NELL2: variants seen among roughly 807,000 people sequenced by gnomAD.
The protein encoded by NELL2 is protein kinase C-binding protein NELL2.
NELL2 carries 41 observed loss-of-function variants against 109.6 expected under a neutral mutation model. That is an observed-to-expected ratio of 0.37 (90% CI 0.29 to 0.49). The LOEUF (loss-of-function observed/expected upper bound fraction) is 0.49. Ranked by LOEUF, NELL2 falls within the 20% of genes least tolerant of loss-of-function variation. The pLI is 0.98. For synonymous variants in NELL2, 355 were observed against 344.7 expected (o/e 1.03, Z -0.33); for missense variants, 900 against 1,008.3 (o/e 0.89, Z 1.45).
intron 9 of NELL2, among the ~76,000 whole-genome samples, chr12:44,746,881 G>A (rs1940393500): frequency 1.3e-5 from 2 of 152,216 alleles, no homozygotes; most frequent in African/African-American, 4.8e-5. Flanking sequence ...CATTGTGGAA[G>A]TCAGTGTGGC....
At chr12:44,846,014 C>A (rs1380833796) in intron 2 of NELL2, among the ~76,000 whole-genome samples, 1 of 152,162 alleles carries the variant, frequency 6.6e-6, no homozygotes, top group Non-Finnish European at 1.5e-5. Context: ...TCATTCTGGA[C>A]TTATGAAAAT....
At chr12:44,732,593 A>G (rs1446375668) in intron 9 of NELL2, among the ~76,000 whole-genome samples, 1 of 152,040 alleles carries the variant, frequency 6.6e-6, no homozygotes, top group African/African-American at 2.4e-5. Flanking sequence ...CCTGAAGCTA[A>G]GAAACTCCTA....
At chr12:44,573,966 C>T (rs1360457470) in intron 15 of NELL2, among the ~76,000 whole-genome samples, 1 of 152,160 alleles carries the variant, frequency 6.6e-6, no homozygotes, top group Non-Finnish European at 1.5e-5. Context: ...TTAGGTGTTA[C>T]CCACTAAGAG....
intron 15 of NELL2, among the ~76,000 whole-genome samples, chr12:44,549,292 G>A (rs1017251553): frequency 1.8e-4 from 28 of 152,134 alleles, no homozygotes; most frequent in African/African-American, 6.5e-4. Context: ...TGGAATATGA[G>A]TGGTCAGGGT....
intron 2 of NELL2, among the ~76,000 whole-genome samples, chr12:44,831,270 C>T (rs1042611213): frequency 6.6e-6 from 1 of 152,126 alleles, no homozygotes; most frequent in African/African-American, 2.4e-5. Context: ...ACATCTGACC[C>T]CACCATGCTT....
intron 15 of NELL2, 65 bp from the exon 16 acceptor site, chr12:44,532,786 C>A: frequency 1.4e-6 from 2 of 1,452,862 alleles, no homozygotes; most frequent in South Asian, 2.8e-5. Context: ...GAATATTCTG[C>A]TACAAGGCTA....
chr12:44,741,633 A>G (rs1237481918), intron 9 of NELL2, among the ~76,000 whole-genome samples: 2 of 152,218 alleles, frequency 1.3e-5, no homozygotes, highest in South Asian at 4.1e-4. Flanking sequence ...ACAGGCTTAA[A>G]AAATGGCACA....
intron 9 of NELL2, among the ~76,000 whole-genome samples, chr12:44,739,331 T>G (rs941381461): frequency 6.6e-6 from 1 of 152,118 alleles, no homozygotes; most frequent in African/African-American, 2.4e-5. Flanking sequence ...TATCTATACA[T>G]CTAAATGGTA....
At chr12:44,830,708 G>A (rs1943859818) in intron 2 of NELL2, among the ~76,000 whole-genome samples, 3 of 152,034 alleles carry the variant, frequency 2.0e-5, no homozygotes, top group Admixed American at 2.0e-4. Flanking sequence ...CAAAAAAAGA[G>A]CTCTGGGAAT....
At chr12:44,684,253 T>C (rs537565051) in intron 12 of NELL2, among the ~76,000 whole-genome samples, 10 of 152,362 alleles carry the variant, frequency 6.6e-5, no homozygotes, top group East Asian at 3.9e-4. Flanking sequence ...TTCTGTGGGA[T>C]TGGTGGTGAT....
At chr12:44,830,624 G>T (rs1774094448) in intron 2 of NELL2, among the ~76,000 whole-genome samples, 2 of 152,040 alleles carry the variant, frequency 1.3e-5, no homozygotes, top group African/African-American at 4.8e-5. Flanking sequence ...CCCCAAATCT[G>T]CCATCTCCCG....
At chr12:44,675,973 C>T (rs1948302846) in intron 12 of NELL2, among the ~76,000 whole-genome samples, 1 of 152,066 alleles carries the variant, frequency 6.6e-6, no homozygotes. Flanking sequence ...TAGGATGTCA[C>T]TGGTGCTGTT....
intron 13 of NELL2, among the ~76,000 whole-genome samples, chr12:44,651,294 G>C (rs375140401): frequency 2.6e-5 from 4 of 152,278 alleles, no homozygotes; most frequent in South Asian, 2.1e-4. Flanking sequence ...AACATAAGTA[G>C]ACTAAAAATC....
chr12:44,832,575 C>T (rs901720544), intron 2 of NELL2, among the ~76,000 whole-genome samples: 4 of 152,170 alleles, frequency 2.6e-5, no homozygotes, highest in African/African-American at 7.2e-5. Context: ...CCTACTTCCA[C>T]GCCTTTTCAT....
intron 3 of NELL2, among the ~76,000 whole-genome samples, chr12:44,801,444 C>T (rs1196472926): frequency 6.6e-6 from 1 of 152,010 alleles, no homozygotes; most frequent in African/African-American, 2.4e-5. Context: ...AGTTTTTGAG[C>T]TCTGAAGGAA....
At chr12:44,604,100 A>G (rs562714463) in intron 15 of NELL2, among the ~76,000 whole-genome samples, 1 of 152,284 alleles carries the variant, frequency 6.6e-6, no homozygotes, top group South Asian at 2.1e-4. Context: ...AAGGGGGCAT[A>G]ACAAAAGGCA....
At chr12:44,661,006 T>C (rs1034435327) in intron 13 of NELL2, among the ~76,000 whole-genome samples, 10 of 152,152 alleles carry the variant, frequency 6.6e-5, no homozygotes, top group African/African-American at 1.7e-4. Context: ...ACGTGTCCAC[T>C]AAAGCGTTAA....
At chr12:44,901,261 A>G (rs1945657188) in intron 1 of NELL2, among the ~76,000 whole-genome samples, 1 of 152,188 alleles carries the variant, frequency 6.6e-6, no homozygotes, top group South Asian at 2.1e-4. Flanking sequence ...ATCAGAGAAT[A>G]CTATAAATAC....
At chr12:44,550,776 G>A (rs964622211) in intron 15 of NELL2, among the ~76,000 whole-genome samples, 1 of 152,048 alleles carries the variant, frequency 6.6e-6, no homozygotes, top group African/African-American at 2.4e-5. Flanking sequence ...AGAAAGATAA[G>A]TGCTGTATAA....
Sources: gnomAD v4.1 joint callset for allele counts (sites outside exome capture counted in the v4.1 genomes callset) on GRCh38, gnomAD v4.1.1 for gene constraint, MANE v1.5 for transcripts, NCBI Gene and HGNC (gene_info 2026-07-23, HGNC 2026-07-21) for gene names.